Variants in C12orf54 observed in about 807,000 individuals in gnomAD.
C12orf54 encodes chromosome 12 open reading frame 54.
Under a neutral mutation model 26.4 loss-of-function variants are expected in C12orf54, and 24 were observed. The ratio of observed to expected loss-of-function variants is 0.91; its 90% confidence interval spans 0.66 to 1.28. The LOEUF is 1.28. Among genes scored for constraint, C12orf54 ranks in the 50% most tolerant of loss-of-function variants. The pLI is 0.00. For synonymous variants in C12orf54, 54 were observed against 47.0 expected (o/e 1.15, Z -0.61); for missense variants, 154 against 150.9 (o/e 1.02, Z -0.11).
the C12orf54 span, among the ~76,000 whole-genome samples, chr12:48,471,551 T>C: frequency 7.2e-5 from 11 of 152,358 alleles, no homozygotes; most frequent in East Asian, 1.9e-4. Flanking sequence ...GGTTTCATTC[T>C]TCTGCATATG....
At chr12:48,456,371 G>C in the C12orf54 span, among the ~76,000 whole-genome samples, 1 of 152,204 alleles carries the variant, frequency 6.6e-6, no homozygotes, top group African/African-American at 2.4e-5. Context: ...GTATCAAGTG[G>C]TCAGGGAAAT....
chr12:48,446,308 A>G, the C12orf54 span, among the ~76,000 whole-genome samples: 2 of 152,214 alleles, frequency 1.3e-5, no homozygotes, highest in Non-Finnish European at 2.9e-5. Context: ...GTTTGACAGC[A>G]TTTTTGCTCT....
At chr12:48,427,538 C>A in the C12orf54 span, among the ~76,000 whole-genome samples, 1 of 152,044 alleles carries the variant, frequency 6.6e-6, no homozygotes, top group Non-Finnish European at 1.5e-5. Context: ...CTGAAGCTTT[C>A]TTTGTTTGTT....
chr12:48,482,277 A>G (rs559917012), upstream of C12orf54, among the ~76,000 whole-genome samples: 6 of 152,328 alleles, frequency 3.9e-5, no homozygotes, highest in South Asian at 2.1e-4. Flanking sequence ...CTAAGAATCA[A>G]TGGATTTCCA....
At chr12:48,440,980 AAGAAAACAG>A in the C12orf54 span, among the ~76,000 whole-genome samples, 5 of 152,222 alleles carry the variant, frequency 3.3e-5, no homozygotes, top group African/African-American at 4.8e-5. Context: ...CAAGGTGGTA[AAGAAAACAG>A]GCATTTGTGC....
the C12orf54 span, among the ~76,000 whole-genome samples, chr12:48,449,913 G>T: frequency 3.3e-5 from 5 of 152,032 alleles, no homozygotes; most frequent in African/African-American, 1.2e-4. Context: ...GAGTCATGGG[G>T]GCCAGTCTCA....
At chr12:48,457,422 C>T in the C12orf54 span, among the ~76,000 whole-genome samples, 8,740 of 152,018 alleles carry the variant, frequency 0.057, 471 homozygotes, top group African/African-American at 0.14. Flanking sequence ...CAACCTCTGC[C>T]TTATGGGTTC....
intron 7 of C12orf54, among the ~76,000 whole-genome samples, 172 bp downstream of exon 7, chr12:48,493,167 G>T (rs1308090130): frequency 6.6e-6 from 1 of 152,194 alleles, no homozygotes; most frequent in African/African-American, 2.4e-5. Flanking sequence ...GAACTACAGA[G>T]CCTGGGCTTC....
chr12:48,434,897 C>T, the C12orf54 span, among the ~76,000 whole-genome samples: 1 of 152,118 alleles, frequency 6.6e-6, no homozygotes, highest in Non-Finnish European at 1.5e-5. Flanking sequence ...AGCAATGGAA[C>T]AAAGCTGGAC....
chr12:48,448,625 CTCTT>C, the C12orf54 span, among the ~76,000 whole-genome samples: 1 of 152,172 alleles, frequency 6.6e-6, no homozygotes. Context: ...CTTTTTCTCT[CTCTT>C]TCCCGTTGTT....
intron 4 of C12orf54, chr12:48,487,742 A>G (rs1434391984): frequency 3.4e-6 from 1 of 292,858 alleles, no homozygotes; most frequent in East Asian, 5.8e-5. Context: ...CTTATATACA[A>G]ATTGAAACTC....
chr12:48,455,464 C>T, the C12orf54 span, among the ~76,000 whole-genome samples: 1 of 152,180 alleles, frequency 6.6e-6, no homozygotes, highest in Non-Finnish European at 1.5e-5. Flanking sequence ...TTTTAAGCAG[C>T]TCACCAAACC....
At chr12:48,444,286 AC>A in the C12orf54 span, among the ~76,000 whole-genome samples, 1 of 152,112 alleles carries the variant, frequency 6.6e-6, no homozygotes, top group Non-Finnish European at 1.5e-5. Context: ...TGAGAACATC[AC>A]ATCATTGGCA....
chr12:48,414,268 A>G, the C12orf54 span, among the ~76,000 whole-genome samples: 1 of 152,180 alleles, frequency 6.6e-6, no homozygotes, highest in African/African-American at 2.4e-5. Flanking sequence ...ACTGACAAGG[A>G]CTGTTGACTC....
At chr12:48,490,866 A>G (rs373754690) in intron 6 of C12orf54, 30 bp downstream of exon 6, 2 of 1,609,016 alleles carry the variant, frequency 1.2e-6, no homozygotes, top group Admixed American at 1.7e-5. Context: ...AGGTTTGGAA[A>G]AGGAAACAAG....
chr12:48,480,010 A>G (rs1036467631), upstream of C12orf54, among the ~76,000 whole-genome samples: 4 of 151,992 alleles, frequency 2.6e-5, no homozygotes, highest in African/African-American at 9.7e-5. Context: ...TATTTTATAT[A>G]TATATATAAT....
At chr12:48,489,040 TG>T in intron 5 of C12orf54, 84 bp downstream of exon 5, 1 of 1,279,900 alleles carries the variant, frequency 7.8e-7, no homozygotes, top group South Asian at 1.2e-5. Flanking sequence ...ACTGAGATGT[TG>T]CCTCTGACCA....
At chr12:48,447,142 T>C in the C12orf54 span, among the ~76,000 whole-genome samples, 1 of 152,190 alleles carries the variant, frequency 6.6e-6, no homozygotes, top group Non-Finnish European at 1.5e-5. Flanking sequence ...GTCTTCTTGC[T>C]ACAAGTCTAA....
chr12:48,471,802 C>A, the C12orf54 span, among the ~76,000 whole-genome samples: 1 of 152,082 alleles, frequency 6.6e-6, no homozygotes, highest in Non-Finnish European at 1.5e-5. Context: ...GTTCTTTTTA[C>A]TTGGGGCTAC....
Sources: gnomAD v4.1 joint callset for allele counts (sites outside exome capture counted in the v4.1 genomes callset) on GRCh38, gnomAD v4.1.1 for gene constraint, MANE v1.5 for transcripts, NCBI Gene and HGNC (gene_info 2026-07-23, HGNC 2026-07-21) for gene names.